Variants in TFEC observed in about 807,000 individuals in gnomAD.
TFEC encodes class E basic helix-loop-helix protein 34.
A neutral mutation model predicts 41.6 loss-of-function variants in TFEC; 31 were observed. The ratio of observed to expected loss-of-function variants is 0.74; its 90% CI spans 0.56 to 1.01. The LOEUF is 1.01. Among genes scored for constraint, TFEC ranks in the 50% least tolerant of loss-of-function variants. The probability of loss-of-function intolerance (pLI) is 0.00; values close to 1 mark genes in which losing one functional copy is unlikely to be tolerated. For synonymous variants in TFEC, 143 were observed against 140.6 expected (o/e 1.02, Z -0.12); for missense variants, 402 against 404.1 (o/e 0.99, Z 0.04).
intron 1 of TFEC, among the ~76,000 whole-genome samples, chr7:115,993,957 A>T (rs534274819): frequency 7.9e-5 from 12 of 152,358 alleles, no homozygotes; most frequent in Non-Finnish European, 1.6e-4. Flanking sequence ...TTCAAACTAT[A>T]CTACAAGGCT....
chr7:115,955,074 A>C (rs1003586919), intron 4 of TFEC, among the ~76,000 whole-genome samples: 1 of 152,060 alleles, frequency 6.6e-6, no homozygotes. Context: ...TTTTATTAGT[A>C]ATTATTATTT....
chr7:115,962,277 T>C (rs1792596685), intron 3 of TFEC, among the ~76,000 whole-genome samples: 1 of 151,914 alleles, frequency 6.6e-6, no homozygotes, highest in Non-Finnish European at 1.5e-5. Flanking sequence ...TCTAAAGCAG[T>C]CTAAAACTCA....
At chr7:116,126,166 A>G (rs943540992) in intron 1 of TFEC, among the ~76,000 whole-genome samples, 1 of 152,188 alleles carries the variant, frequency 6.6e-6, no homozygotes, top group African/African-American at 2.4e-5. Context: ...GAAGAAAATG[A>G]GAAAATGTGT....
intron 3 of TFEC, among the ~76,000 whole-genome samples, chr7:116,088,085 C>A (rs183890949): frequency 6.6e-6 from 1 of 152,148 alleles, no homozygotes; most frequent in East Asian, 1.9e-4. Flanking sequence ...ATGATCTCTC[C>A]TGTTACACCT....
chr7:115,941,808 A>G, intron 7 of TFEC, 85 bp downstream of exon 7: 3 of 1,493,844 alleles, frequency 2.0e-6, no homozygotes, highest in Non-Finnish European at 2.7e-6. Flanking sequence ...AATAAGAGAA[A>G]AAATAAATGA....
At chr7:115,973,197 G>C (rs1305395573) in intron 3 of TFEC, among the ~76,000 whole-genome samples, 2 of 151,896 alleles carry the variant, frequency 1.3e-5, no homozygotes, top group Non-Finnish European at 2.9e-5. Context: ...TGGAGGTCCT[G>C]CATACTAGAG....
chr7:116,037,192 T>C (rs759341469), intron 3 of TFEC, among the ~76,000 whole-genome samples: 5 of 152,060 alleles, frequency 3.3e-5, no homozygotes, highest in African/African-American at 4.8e-5. Context: ...TTAACGGCAA[T>C]TGATTTTGTG....
chr7:116,092,843 T>C (rs1176791808), intron 3 of TFEC, among the ~76,000 whole-genome samples: 1 of 152,170 alleles, frequency 6.6e-6, no homozygotes, highest in Non-Finnish European at 1.5e-5. Flanking sequence ...AGATTAGATC[T>C]CTAATCCTAT....
chr7:116,045,504 G>A (rs1227240033), intron 3 of TFEC, among the ~76,000 whole-genome samples: 3 of 152,218 alleles, frequency 2.0e-5, no homozygotes, highest in Non-Finnish European at 4.4e-5. Context: ...TCCACTTGGT[G>A]TTGAGCCTGC....
chr7:115,942,322 T>C (rs1793548900), intron 6 of TFEC, among the ~76,000 whole-genome samples: 1 of 151,996 alleles, frequency 6.6e-6, no homozygotes. Context: ...AGTTTTTATA[T>C]TTTTAGTGAA....
chr7:116,011,828 G>A (rs1222396381), intron 1 of TFEC, among the ~76,000 whole-genome samples: 1 of 152,032 alleles, frequency 6.6e-6, no homozygotes, highest in African/African-American at 2.4e-5. Context: ...AGAGCTAGTT[G>A]TTTAAAAGAG....
At chr7:116,150,407 C>T (rs1798736082) in intron 1 of TFEC, among the ~76,000 whole-genome samples, 1 of 152,018 alleles carries the variant, frequency 6.6e-6, no homozygotes, top group Admixed American at 6.6e-5. Context: ...GAATAAATTG[C>T]ATTAGAACAG....
At chr7:115,941,045 AC>A (rs1793468808) in intron 7 of TFEC, 114 bp from the exon 8 acceptor site, 3 of 955,706 alleles carry the variant, frequency 3.1e-6, no homozygotes, top group Non-Finnish European at 4.6e-6. Context: ...GAAGAGTAAT[AC>A]AATACAAATT....
chr7:116,153,762 T>C (rs990216188), intron 1 of TFEC, among the ~76,000 whole-genome samples: 1 of 152,104 alleles, frequency 6.6e-6, no homozygotes, highest in African/African-American at 2.4e-5. Flanking sequence ...TGGAATGAAT[T>C]GGACACTGCA....
intron 1 of TFEC, among the ~76,000 whole-genome samples, chr7:115,998,123 A>G (rs1794440563): frequency 1.3e-5 from 2 of 152,148 alleles, no homozygotes; most frequent in Non-Finnish European, 2.9e-5. Context: ...AACACCAAAT[A>G]GATCTAACTC....
chr7:116,085,008 T>G (rs1272702880), intron 3 of TFEC, among the ~76,000 whole-genome samples: 1 of 151,908 alleles, frequency 6.6e-6, no homozygotes, highest in East Asian at 1.9e-4. Flanking sequence ...ACAATATAAG[T>G]ACTTAGGAAC....
chr7:116,120,986 A>G (rs1798097001), intron 1 of TFEC, among the ~76,000 whole-genome samples: 1 of 152,010 alleles, frequency 6.6e-6, no homozygotes, highest in Non-Finnish European at 1.5e-5. Context: ...TGTAAAAATA[A>G]AAGTAGGTTG....
chr7:116,146,622 C>T (rs1344753767), intron 1 of TFEC, among the ~76,000 whole-genome samples: 1 of 152,108 alleles, frequency 6.6e-6, no homozygotes, highest in Non-Finnish European at 1.5e-5. Context: ...GAACCCAAAC[C>T]TTCTATAGAC....
chr7:116,151,486 G>T (rs903491786), intron 1 of TFEC, among the ~76,000 whole-genome samples: 1 of 151,886 alleles, frequency 6.6e-6, no homozygotes, highest in African/African-American at 2.4e-5. Flanking sequence ...CAAGTGATCC[G>T]CCCACCTCGG....
Sources: allele counts gnomAD v4.1 joint callset (sites outside exome capture counted in the v4.1 genomes callset), GRCh38; gene constraint gnomAD v4.1.1; transcripts MANE v1.5; gene names NCBI Gene and HGNC (gene_info 2026-07-23, HGNC 2026-07-21).